CDIN1: variants seen among roughly 807,000 people sequenced by gnomAD.
The protein encoded by CDIN1 is CDAN1-interacting nuclease 1.
Under a neutral mutation model 45.3 loss-of-function variants are expected in CDIN1, and 33 were observed. The ratio of observed to expected loss-of-function variants is 0.73; its 90% CI spans 0.55 to 0.97. CDIN1 has a LOEUF of 0.97. CDIN1 is among the 50% of genes least tolerant of loss of function. The pLI is 0.00. For synonymous variants in CDIN1, 118 were observed against 124.4 expected, an observed-to-expected ratio of 0.95 and a Z score of 0.34; for missense variants, 303 against 339.4, an observed-to-expected ratio of 0.89 and a Z score of 0.84.
At chr15:36,745,769 C>T (rs140313777) in intron 10 of CDIN1, among the ~76,000 whole-genome samples, 4,566 of 152,080 alleles carry the variant, frequency 0.03, 215 homozygotes, top group African/African-American at 0.11. Context: ...AGTTCAAGAC[C>T]GGCCTGGCCA....
chr15:36,741,647 C>T (rs2044243977), intron 10 of CDIN1, among the ~76,000 whole-genome samples: 1 of 152,062 alleles, frequency 6.6e-6, no homozygotes. Context: ...AGGGCTGGTT[C>T]TTTCTGAGTG....
chr15:36,649,299 T>G (rs577609465), intron 3 of CDIN1, among the ~76,000 whole-genome samples: 2 of 152,336 alleles, frequency 1.3e-5, no homozygotes, highest in African/African-American at 2.4e-5. Flanking sequence ...AAATGAATGA[T>G]GGACCCTCAG....
chr15:36,731,303 A>C (rs1006443855), intron 10 of CDIN1, among the ~76,000 whole-genome samples: 4 of 152,116 alleles, frequency 2.6e-5, no homozygotes, highest in African/African-American at 9.7e-5. Flanking sequence ...TCGAATTGTC[A>C]AAATAGGTAC....
chr15:36,591,981 G>A (rs2037596331), intron 1 of CDIN1: 1 of 152,220 alleles, frequency 6.6e-6, no homozygotes, highest in South Asian at 2.1e-4. Context: ...GTACCAACAA[G>A]GCAGTGGCCA....
chr15:36,703,803 G>A (rs1258401797), intron 8 of CDIN1, among the ~76,000 whole-genome samples: 5 of 151,998 alleles, frequency 3.3e-5, no homozygotes, highest in Non-Finnish European at 2.9e-5. Context: ...TTGGTTCGGC[G>A]ACACATGGAG....
At chr15:36,715,859 G>C (rs2043198824) in intron 10 of CDIN1, among the ~76,000 whole-genome samples, 1 of 152,114 alleles carries the variant, frequency 6.6e-6, no homozygotes, top group African/African-American at 2.4e-5. Context: ...TGTGTATAGA[G>C]TACTTTGAGA....
intron 5 of CDIN1, among the ~76,000 whole-genome samples, chr15:36,681,344 C>T (rs1406725011): frequency 6.6e-6 from 1 of 151,896 alleles, no homozygotes; most frequent in Non-Finnish European, 1.5e-5. Flanking sequence ...TTAGTGAATT[C>T]TAGGGTGACT....
chr15:36,589,553 T>G (rs1566814451), intron 1 of CDIN1, among the ~76,000 whole-genome samples: 2 of 151,912 alleles, frequency 1.3e-5, no homozygotes, highest in Non-Finnish European at 2.9e-5. Context: ...CTTCCCAGGC[T>G]GGAGTGCAGT....
At chr15:36,733,068 A>AT (rs1182122777) in intron 10 of CDIN1, among the ~76,000 whole-genome samples, 2 of 151,968 alleles carry the variant, frequency 1.3e-5, no homozygotes, top group African/African-American at 4.8e-5. Flanking sequence ...AGCACAAATC[A>AT]TTTTTTTGTT....
chr15:36,798,025 CAAAAAAAA>C (rs11307856), intron 10 of CDIN1, among the ~76,000 whole-genome samples: 25 of 93,572 alleles, frequency 2.7e-4, no homozygotes, highest in Admixed American at 8.4e-4. Context: ...GAGTTATTAG[CAAAAAAAA>C]AAAAAAAAAA....
chr15:36,728,974 A>G (rs1388806026), intron 10 of CDIN1, among the ~76,000 whole-genome samples: 2 of 152,176 alleles, frequency 1.3e-5, no homozygotes, highest in Non-Finnish European at 1.5e-5. Flanking sequence ...ACGCCTAGCC[A>G]AACAATTATT....
chr15:36,708,202 ATTAATT>A (rs1460292216), intron 8 of CDIN1: 1 of 152,176 alleles, frequency 6.6e-6, no homozygotes, highest in Non-Finnish European at 1.5e-5. Context: ...GGAATGGGCC[ATTAATT>A]TTAATCAAAG....
Position 36,703,362 on chromosome 15 carries a change from TAG to T in CDIN1, c.545-5859_545-5858del, listed in dbSNP as rs1566914873. 5.4e-3 allele frequency among the ~76,000 whole-genome samples: 471 copies of T among 87,858 alleles called. 23 individuals carry two copies. The highest frequency in any genetic ancestry group is 0.02 in the African/African-American group (340 of 16,722). The allele number at this position is 87,858 out of a possible 152,430, so 57.6% of individuals were successfully genotyped here. On this transcript the variant is annotated intron_variant, in intron 8 of 10. Transcript: ENST00000566621. ...CTATCAGATATATACATATATCAGA[TAG>T]ATCTATCATATATATATATATCAGA...
At chr15:36,613,380 C>T in intron 1 of CDIN1, 4 of 912,266 alleles carry the variant, frequency 4.4e-6, no homozygotes, top group South Asian at 4.2e-5. Flanking sequence ...AAAAAGGATT[C>T]CTTGTCTTAA....
At chr15:36,646,355 A>G (rs1048502479) in intron 3 of CDIN1, among the ~76,000 whole-genome samples, 1 of 152,184 alleles carries the variant, frequency 6.6e-6, no homozygotes, top group African/African-American at 2.4e-5. Context: ...TATATGTGGT[A>G]AAAGATATGC....
intron 10 of CDIN1, among the ~76,000 whole-genome samples, chr15:36,749,369 A>C (rs2053395890): frequency 6.6e-6 from 1 of 152,222 alleles, no homozygotes; most frequent in Non-Finnish European, 1.5e-5. Context: ...TGACTTAAAA[A>C]TAATGCCCTG....
intron 5 of CDIN1, among the ~76,000 whole-genome samples, chr15:36,676,781 G>A (rs886323239): frequency 1.3e-5 from 2 of 152,092 alleles, no homozygotes; most frequent in African/African-American, 4.8e-5. Context: ...TCATTATGTG[G>A]CCCTATATTT....
intron 10 of CDIN1, among the ~76,000 whole-genome samples, chr15:36,773,067 T>C (rs1463003603): frequency 6.7e-6 from 1 of 149,876 alleles, no homozygotes; most frequent in South Asian, 2.2e-4. Flanking sequence ...ATCCTGTTTG[T>C]GGGGGGTGGG....
intron 10 of CDIN1, among the ~76,000 whole-genome samples, chr15:36,748,985 G>A (rs916156642): frequency 1.3e-5 from 2 of 152,136 alleles, no homozygotes; most frequent in African/African-American, 2.4e-5. Context: ...AAAGTCAGTA[G>A]GCCATCGCAC....
Sources: gnomAD v4.1 joint callset for allele counts (sites outside exome capture counted in the v4.1 genomes callset) on GRCh38, gnomAD v4.1.1 for gene constraint, MANE v1.5 for transcripts, NCBI Gene and HGNC (gene_info 2026-07-23, HGNC 2026-07-21) for gene names.